ALCAM: variants seen among roughly 807,000 people sequenced by gnomAD.
The protein encoded by ALCAM is CD166 antigen.
A neutral mutation model predicts 70.9 loss-of-function variants in ALCAM; 30 were observed. That is an observed-to-expected ratio of 0.42 (90% CI 0.32 to 0.57). The LOEUF (loss-of-function observed/expected upper bound fraction) is 0.57. Ranked by LOEUF, ALCAM falls within the 20% of genes least tolerant of loss-of-function variation. The pLI is 0.11. For missense variants in ALCAM, 591 were observed against 695.1 expected (o/e 0.85, Z 1.68); for synonymous variants, 249 against 242.5 (o/e 1.03, Z -0.25).
At position 105,415,496 on chromosome 3, in the gene ALCAM, A is replaced by G. The variant is rs944930756; in HGVS notation, c.73+48015A>G. 5.3e-5 allele frequency among the ~76,000 whole-genome samples: 8 copies of G among 152,262 alleles called. No individual in the cohort carries two copies. In the South Asian group the frequency reaches 1.7e-3, roughly 31 times the overall value. On this transcript the variant is annotated intron_variant, in intron 1 of 15. Transcript: ENST00000306107. Reference sequence around the variant, plus strand: ...CTGACAACAGCTTTCTTTTAAAGGAAAACAACCTGATGATCAGCCCCAAGG... The same window carrying G: ...CTGACAACAGCTTTCTTTTAAAGGAGAACAACCTGATGATCAGCCCCAAGG...
chr3:105,491,525 T>C (rs1307290490), intron 1 of ALCAM, among the ~76,000 whole-genome samples: 1 of 152,206 alleles, frequency 6.6e-6, no homozygotes. Context: ...CATTTCCAAA[T>C]CATATCTTTG....
chr3:105,515,549 C>A (rs1939359234), intron 1 of ALCAM, among the ~76,000 whole-genome samples: 1 of 151,998 alleles, frequency 6.6e-6, no homozygotes, highest in African/African-American at 2.4e-5. Flanking sequence ...GTTTGGTGGG[C>A]AATTTTGCCT....
intron 3 of ALCAM, chr3:105,531,104 G>A (rs1045784047): frequency 2.0e-5 from 3 of 151,962 alleles, no homozygotes; most frequent in Admixed American, 6.6e-5. Flanking sequence ...TGACAATGAG[G>A]CAATATACTT....
intron 1 of ALCAM, among the ~76,000 whole-genome samples, chr3:105,391,782 AG>A (rs1935824215): frequency 6.7e-6 from 1 of 150,196 alleles, no homozygotes; most frequent in Non-Finnish European, 1.5e-5. Flanking sequence ...GATTTATTGA[AG>A]GGATGCTGAA....
At chr3:105,432,533 G>T (rs868599477) in intron 1 of ALCAM, among the ~76,000 whole-genome samples, 2 of 151,922 alleles carry the variant, frequency 1.3e-5, no homozygotes, top group East Asian at 1.9e-4. Context: ...TTGTAAAATT[G>T]GTTTAAAAGG....
chr3:105,550,726 TTAGTAAAC>T, intron 12 of ALCAM, among the ~76,000 whole-genome samples: 1 of 151,728 alleles, frequency 6.6e-6, no homozygotes, highest in South Asian at 2.1e-4. Context: ...TTAAAGTCAT[TTAGTAAAC>T]TAGCAAGAGT....
chr3:105,554,935 A>G (rs1420279623), intron 14 of ALCAM, among the ~76,000 whole-genome samples: 1 of 146,118 alleles, frequency 6.8e-6, no homozygotes, highest in Non-Finnish European at 1.5e-5. Context: ...CTTGAAAATT[A>G]GCTGGAAAAA....
intron 6 of ALCAM, among the ~76,000 whole-genome samples, chr3:105,538,166 C>T (rs1361542234): frequency 1.3e-5 from 2 of 151,996 alleles, no homozygotes; most frequent in African/African-American, 4.8e-5. Context: ...GAAGGAGACT[C>T]AAGGTGAGGA....
chr3:105,445,524 C>T (rs979458527), intron 1 of ALCAM, among the ~76,000 whole-genome samples: 4 of 152,062 alleles, frequency 2.6e-5, no homozygotes, highest in Non-Finnish European at 4.4e-5. Context: ...AATAGCAAAG[C>T]AATCTTGAGC....
chr3:105,531,982 CT>C lies in ALCAM; in HGVS notation c.395-17del, dbSNP rs1415184818. ...TTTTTCTTACATATGTACTTAAAAT[CT>C]TTCTCTGCTTAACTTTAGAGCAACC... On this transcript the variant is annotated intron_variant, in intron 3 of 15. Coordinates refer to ENST00000306107, the MANE Select transcript of ALCAM (RefSeq NM_001627.4). The C allele has an allele frequency of 6.2e-7, 1 of 1,609,188 alleles. No homozygotes were observed. The highest frequency in any genetic ancestry group is 1.7e-5 in the Admixed American group (1 of 59,972).
At chr3:105,533,010 A>G (rs1304819917) in intron 4 of ALCAM, among the ~76,000 whole-genome samples, 1 of 152,200 alleles carries the variant, frequency 6.6e-6, no homozygotes, top group African/African-American at 2.4e-5. Flanking sequence ...TAACTAAAAT[A>G]CCAAAGTTTT....
chr3:105,526,517 C>T (rs780015912), intron 3 of ALCAM, among the ~76,000 whole-genome samples: 52 of 152,180 alleles, frequency 3.4e-4, no homozygotes, highest in Non-Finnish European at 4.6e-4. Flanking sequence ...TTGTTGAAAA[C>T]AAAGTGATTC....
intron 1 of ALCAM, among the ~76,000 whole-genome samples, chr3:105,442,153 T>C (rs1209110025): frequency 6.6e-6 from 1 of 152,196 alleles, no homozygotes; most frequent in African/African-American, 2.4e-5. Context: ...TTTTATATTA[T>C]TAAGTGGAGA....
At chr3:105,543,253 C>T (rs890864110) in intron 8 of ALCAM, among the ~76,000 whole-genome samples, 5 of 151,558 alleles carry the variant, frequency 3.3e-5, no homozygotes, top group African/African-American at 1.2e-4. Flanking sequence ...ATAGTGCCTA[C>T]GTGTTTGGCT....
At chr3:105,418,590 G>A (rs1936565561) in intron 1 of ALCAM, among the ~76,000 whole-genome samples, 2 of 151,612 alleles carry the variant, frequency 1.3e-5, no homozygotes, top group Non-Finnish European at 3.0e-5. Context: ...TGAAGAATTG[G>A]GTTATGTTTT....
chr3:105,529,629 C>G (rs533135260), intron 3 of ALCAM, among the ~76,000 whole-genome samples: 7 of 152,144 alleles, frequency 4.6e-5, no homozygotes, highest in African/African-American at 1.4e-4. Context: ...AATAGAAAGA[C>G]GAATCATAAT....
intron 1 of ALCAM, among the ~76,000 whole-genome samples, chr3:105,368,223 A>AAGAGAGAGAGAGAGAGAGAGAGAGGGAG (rs1935123754): frequency 1.5e-5 from 1 of 67,790 alleles, no homozygotes; most frequent in Non-Finnish European, 2.8e-5. Context: ...TGAGTCTTGG[A>AAGAGAGAGAGAGAGAGAGAGAGAGGGAG]AGAGAGAGAG....
chr3:105,493,761 G>A (rs559258531), intron 1 of ALCAM, among the ~76,000 whole-genome samples: 89 of 152,226 alleles, frequency 5.8e-4, no homozygotes, highest in African/African-American at 2.1e-3. Flanking sequence ...GGAACTATAT[G>A]ACAATAAATT....
In ALCAM at chr3:105,429,673, T is replaced by C. The variant is rs536224340; in HGVS notation, c.73+62192T>C. 1.2e-4 allele frequency among the ~76,000 whole-genome samples: 18 copies of C among 152,092 alleles called. No homozygotes were observed. In the East Asian group the frequency reaches 3.5e-3, roughly 29 times the overall value. On this transcript the variant is annotated intron_variant, in intron 1 of 15. Transcript: ENST00000306107. Reference sequence around the variant, plus strand: ...TATTTAACAATAATTTTAGAAAATGTAATGAACACCAATTGATTATGTAAC... The same window carrying C: ...TATTTAACAATAATTTTAGAAAATGCAATGAACACCAATTGATTATGTAAC...
Sources: gnomAD v4.1 joint callset for allele counts (sites outside exome capture counted in the v4.1 genomes callset) on GRCh38, gnomAD v4.1.1 for gene constraint, MANE v1.5 for transcripts, NCBI Gene and HGNC (gene_info 2026-07-23, HGNC 2026-07-21) for gene names.